Variants in GALE observed in about 807,000 individuals in gnomAD.
The protein encoded by GALE is UDP-galactose-4-epimerase.
A neutral mutation model predicts 44.1 loss-of-function variants in GALE; 32 were observed. The ratio of observed to expected loss-of-function variants is 0.73; its 90% confidence interval spans 0.55 to 0.97. GALE has a LOEUF of 0.97. Ranked by LOEUF, GALE falls within the 50% of genes least tolerant of loss-of-function variation. GALE has a pLI of 0.00. For missense variants in GALE, 423 were observed against 455.6 expected, an observed-to-expected ratio of 0.93 and a Z score of 0.65; for synonymous variants, 182 against 183.5, an observed-to-expected ratio of 0.99 and a Z score of 0.06.
In GALE at chr1:23,798,380, C is replaced by A. The variant is rs1639029525; in HGVS notation, c.238-150G>T. The A allele has an allele frequency of 1.4e-6, 1 of 721,472 alleles. No individual in the cohort carries two copies. Among genetic ancestry groups the A allele is most frequent in the Admixed American group, 2.0e-5 (1 of 49,368 alleles). 44.7% of individuals were successfully genotyped at this position (721,472 alleles called of 1,614,324 possible). ...AGTACAGTGGTGCCATCTCAGCTCACCGCAACCTCCACCTCCCAGGCTCAA... is the reference window on the plus strand; with the variant it reads ...AGTACAGTGGTGCCATCTCAGCTCAACGCAACCTCCACCTCCCAGGCTCAA... On this transcript the variant is annotated intron_variant, in intron 4 of 11. Transcript: ENST00000617979. This position sits in a 1 kb window ranked among gnomAD's most constrained non-coding sequence, Gnocchi z 4.5.
intron 1 of GALE, 79 bp downstream of exon 1, chr1:23,800,633 C>T (rs552678965): frequency 6.6e-6 from 1 of 152,248 alleles, no homozygotes; most frequent in African/African-American, 2.4e-5. Flanking sequence ...CACGACCCGC[C>T]CCTCGGAAAC....
chr1:23,797,252 C>G, intron 6 of GALE, 105 bp from the exon 7 acceptor site: 1 of 799,476 alleles, frequency 1.3e-6, no homozygotes, highest in Non-Finnish European at 2.1e-6. Flanking sequence ...GATGGAGTCT[C>G]ACTATGGCCC....
rs886042139 is a variant in GALE at position 23,798,105 on chromosome 1, C to T, written c.351+12G>A. On this transcript the variant is annotated intron_variant, in intron 5 of 11. Transcript: ENST00000617979. This position sits in a 1 kb window ranked among gnomAD's most constrained non-coding sequence, Gnocchi z 4.5. ...CCCTCCTAGTGTCTGTGCCCTGTCCCATGCCTCTCACCTCCAGAAGCTGGA... is the reference window on the plus strand; with the variant it reads ...CCCTCCTAGTGTCTGTGCCCTGTCCTATGCCTCTCACCTCCAGAAGCTGGA... 1.2e-6 allele frequency: 2 copies of T among 1,600,616 alleles called. No homozygotes were observed. The highest frequency in any genetic ancestry group is 1.7e-6 in the Non-Finnish European group (2 of 1,167,582).
In GALE at chr1:23,798,281, A is replaced by AGGCTGAGGGC; in HGVS notation, c.238-52_238-51insGCCCTCAGCC. 7.4e-7 allele frequency: 1 copy of AGGCTGAGGGC among 1,350,910 alleles called. No individual in the cohort carries two copies. The highest frequency in any genetic ancestry group is 1.1e-6 in the Non-Finnish European group (1 of 942,154). The allele number at this position is 1,350,910 out of a possible 1,614,324, so 83.7% of individuals were successfully genotyped here. A position where few individuals can be genotyped will look rare whatever the true frequency, so the allele number is the denominator to read the frequency against. On this transcript the variant is annotated intron_variant, in intron 4 of 11. Coordinates refer to ENST00000617979, the MANE Select transcript of GALE (RefSeq NM_001008216.2). This position sits in a 1 kb window ranked among gnomAD's most constrained non-coding sequence, Gnocchi z 4.5. ...TGCTCTACTGGTTTTAGTCCTTGGC[A>AGGCTGAGGGC]ATGCCCTCAGCCTGCCTGCCTGCAC...
intron 1 of GALE, chr1:23,800,328 G>C (rs908495321): frequency 6.6e-6 from 1 of 152,638 alleles, no homozygotes; most frequent in Non-Finnish European, 1.5e-5. Flanking sequence ...GTCGCAGAGA[G>C]GCCCTGGGAA....
chr1:23,798,137 C>G lies in GALE; in HGVS notation c.331G>C (p.Gly111Arg), dbSNP rs1336615166. 6.2e-7 allele frequency: 1 copy of G among 1,613,954 alleles called. No individual in the cohort carries two copies. The highest frequency in any genetic ancestry group is 1.3e-5 in the African/African-American group (1 of 75,046). Reference protein sequence around the residue: ...PLDYYRVNLTGTIQLLEIMKA... With the variant: ...PLDYYRVNLTRTIQLLEIMKA... ...CTCACCTCCAGAAGCTGGATGGTCC[C>G]GGTCAGGTTAACTCTGTAATAATCC... The change falls in exon 5 of 12, where the codon GGG (glycine) becomes CGG (arginine). Residue 111 changes from glycine (G) to arginine (R), a missense_variant. Physicochemically the swap from Gly to Arg is moderately radical, Grantham distance 125. Coordinates refer to ENST00000617979, the MANE Select transcript of GALE (RefSeq NM_001008216.2). This position sits in a 1 kb window ranked among gnomAD's most constrained non-coding sequence, Gnocchi z 4.5.
intron 2 of GALE, 92 bp downstream of exon 2, chr1:23,799,274 C>A: frequency 2.0e-6 from 1 of 503,318 alleles, no homozygotes; most frequent in Non-Finnish European, 3.6e-6. Flanking sequence ...CATGAGGCAG[C>A]GTGAGGGTTC....
chr1:23,796,401 CAGTGCCAGGT>C lies in GALE; in HGVS notation c.873+98_873+107del. On this transcript the variant is annotated intron_variant, in intron 10 of 11. Coordinates refer to ENST00000617979, the MANE Select transcript of GALE (RefSeq NM_001008216.2). The surrounding 1 kb of genome is among the most constrained non-coding windows in gnomAD (Gnocchi z 5.2). ...TGCTAGGCAGGCTGAGGAGACTGGGCAGTGCCAGGTACCCTCCAGAGAGGTGAGTGGGAAG... is the reference window on the plus strand; with the variant it reads ...TGCTAGGCAGGCTGAGGAGACTGGGCACCCTCCAGAGAGGTGAGTGGGAAG... 7.0e-7 allele frequency: 1 copy of C among 1,427,736 alleles called. No homozygotes were observed. The highest frequency in any genetic ancestry group is 9.8e-7 in the Non-Finnish European group (1 of 1,018,480). 88.4% of individuals were successfully genotyped at this position (1,427,736 alleles called of 1,614,324 possible).
At position 23,796,102 on chromosome 1, in the gene GALE, A is replaced by G. The variant is rs1230463313; in HGVS notation, c.988+49T>C. On this transcript the variant is annotated intron_variant, in intron 11 of 11. Transcript: ENST00000617979. The surrounding 1 kb of genome is among the most constrained non-coding windows in gnomAD (Gnocchi z 5.2). Reference sequence around the variant, plus strand: ...CCCTGGGTGGGCATGCCCAGATCTGATTTAGCCCCTCCCTGGCCCCTAACT... The same window carrying G: ...CCCTGGGTGGGCATGCCCAGATCTGGTTTAGCCCCTCCCTGGCCCCTAACT... The G allele has an allele frequency of 1.3e-5, 20 of 1,595,610 alleles. No individual in the cohort carries two copies. Among genetic ancestry groups the G allele is most frequent in the Non-Finnish European group, 1.5e-5 (18 of 1,163,518 alleles).
chr1:23,796,143 G>T lies in GALE; in HGVS notation c.988+8C>A. 6.2e-7 allele frequency: 1 copy of T among 1,610,760 alleles called. No individual in the cohort carries two copies. The highest frequency in any genetic ancestry group is 8.5e-7 in the Non-Finnish European group (1 of 1,176,990). ...GCCCCTAACTGCAGGGGTCAGGCCAGCACTCACACATCCTGTCCAGCCCTA... is the reference window on the plus strand; with the variant it reads ...GCCCCTAACTGCAGGGGTCAGGCCATCACTCACACATCCTGTCCAGCCCTA... On this transcript the variant is annotated splice_region_variant and intron_variant, in intron 11 of 11. Coordinates refer to ENST00000617979, the MANE Select transcript of GALE (RefSeq NM_001008216.2). The surrounding 1 kb of genome is among the most constrained non-coding windows in gnomAD (Gnocchi z 5.2).
Position 23,796,694 on chromosome 1 carries a change from T to C in GALE, c.795+3A>G. On this transcript the variant is annotated splice_donor_region_variant and intron_variant, in intron 9 of 11. Transcript: ENST00000617979. The surrounding 1 kb of genome is among the most constrained non-coding windows in gnomAD (Gnocchi z 5.2). ...CTCCCTCACTTCTCCCTTCTCTTCC[T>C]ACCCGGCAGCCACACTGTTCTTTCA... The C allele has an allele frequency of 6.2e-7, 1 of 1,613,424 alleles. No individual in the cohort carries two copies. The highest frequency in any genetic ancestry group is 8.5e-7 in the Non-Finnish European group (1 of 1,179,708).
chr1:23,799,497 C>T (rs1372603710), intron 1 of GALE, 61 bp from the exon 2 acceptor site: 1 of 258,898 alleles, frequency 3.9e-6, no homozygotes, highest in Admixed American at 5.1e-5. Flanking sequence ...GGGGTTCTGT[C>T]TGCTCAGACC....
At chr1:23,800,344 A>T (rs1639089501) in intron 1 of GALE, 1 of 152,408 alleles carries the variant, frequency 6.6e-6, no homozygotes, top group Non-Finnish European at 1.5e-5. Context: ...GGGAAGCACG[A>T]AAGCTGGTCT....
Position 23,796,223 on chromosome 1 carries a change from C to T in GALE, c.916G>A (p.Ala306Thr). The T allele has an allele frequency of 6.2e-7, 1 of 1,614,166 alleles. No individual in the cohort carries two copies. The highest frequency in any genetic ancestry group is 8.5e-7 in the Non-Finnish European group (1 of 1,180,028). Residue 306 changes from alanine to threonine, a missense_variant, in exon 11 of 12, where the codon GCC becomes ACC. Coordinates refer to ENST00000617979, the MANE Select transcript of GALE (RefSeq NM_001008216.2). This position sits in a 1 kb window ranked among gnomAD's most constrained non-coding sequence, Gnocchi z 5.2. ...VVARREGDVA[A>T]CYANPSLAQE... ...GCCAGGCTGGGGTTGGCGTAACAGG[C>T]TGCCACATCACCTTCCCGCCGTGCC...
intron 5 of GALE, 117 bp downstream of exon 5, chr1:23,798,000 A>AG: frequency 3.1e-6 from 4 of 1,310,594 alleles, no homozygotes; most frequent in Non-Finnish European, 4.4e-6. Flanking sequence ...TGAGACTGGG[A>AG]GGTAAAGACA....
At position 23,798,665 on chromosome 1, in the gene GALE, C is replaced by G. The variant is rs370693766; in HGVS notation, c.187G>C (p.Glu63Gln). The G allele has an allele frequency of 1.0e-4, 169 of 1,613,834 alleles. 1 individual carries two copies. Among genetic ancestry groups the G allele is most frequent in the Non-Finnish European group, 1.4e-4 (166 of 1,179,896 alleles). The change falls in exon 4 of 12, where the codon GAG becomes CAG. Residue 63 changes from glutamate (E) to glutamine (Q), a missense_variant. Coordinates refer to ENST00000617979, the MANE Select transcript of GALE (RefSeq NM_001008216.2). The surrounding 1 kb of genome is among the most constrained non-coding windows in gnomAD (Gnocchi z 4.5). ...CCCTGGTCCAAAATGTCCATCTCCT[C>G]AAACTCCACAGAGCGGCCTGTCAGC... The part of the protein sequence containing the change: ...QELTGRSVEF[E>Q]EMDILDQGAL...
Position 23,798,679 on chromosome 1 carries a change from C to T in GALE, c.173G>A (p.Arg58His), listed in dbSNP as rs775614393. The stretch of plus-strand genomic sequence containing the variant: ...GTCCATCTCCTCAAACTCCACAGAG[C>T]GGCCTGTCAGCTCCTGGACCCGCCG... ...SLRRVQELTG[R>H]SVEFEEMDIL... is the part of the protein sequence containing the mutation. The change falls in exon 4 of 12, where the codon CGC becomes CAC. Residue 58 changes from arginine to histidine, a missense_variant. Physicochemically the swap from Arg to His is conservative, Grantham distance 29. Coordinates refer to ENST00000617979, the MANE Select transcript of GALE (RefSeq NM_001008216.2). The surrounding 1 kb of genome is among the most constrained non-coding windows in gnomAD (Gnocchi z 4.5). 8.1e-6 allele frequency: 13 copies of T among 1,613,614 alleles called. No individual in the cohort carries two copies. Among genetic ancestry groups the T allele is most frequent in the African/African-American group, 6.7e-5 (5 of 74,910 alleles).
chr1:23,798,465 C>T lies in GALE; in HGVS notation c.237+150G>A. On this transcript the variant is annotated intron_variant, in intron 4 of 11. Transcript: ENST00000617979. This position sits in a 1 kb window ranked among gnomAD's most constrained non-coding sequence, Gnocchi z 4.5. ...GACCACAGGTATGGGCTACCATGCCCAGCTAATTTTTGTATTTTTCTGTAG... is the reference window on the plus strand; with the variant it reads ...GACCACAGGTATGGGCTACCATGCCTAGCTAATTTTTGTATTTTTCTGTAG... 2 of 706,998 alleles carry T rather than the reference C, an allele frequency of 2.8e-6. No individual in the cohort carries two copies. Among genetic ancestry groups the T allele is most frequent in the Non-Finnish European group, 2.5e-6 (1 of 402,058 alleles). 43.8% of individuals were successfully genotyped at this position (706,998 alleles called of 1,614,324 possible). A position where few individuals can be genotyped will look rare whatever the true frequency, so the allele number is the denominator to read the frequency against.
Position 23,796,042 on chromosome 1 carries a change from G to A in GALE, c.989-35C>T, listed in dbSNP as rs201592765. ...GGCGAGGTGTGTGCTCAGGGCCCAC[G>A]GTGGAATGCAGAGCCTCCCCCACCC... On this transcript the variant is annotated intron_variant, in intron 11 of 11. Transcript: ENST00000617979. The surrounding 1 kb of genome is among the most constrained non-coding windows in gnomAD (Gnocchi z 5.2). 51 of 1,611,746 alleles carry A rather than the reference G, an allele frequency of 3.2e-5. No individual in the cohort carries two copies. In the East Asian group the frequency reaches 6.7e-4, roughly 21 times the overall value.
Sources: gnomAD v4.1 joint callset for allele counts on GRCh38, gnomAD v4.1.1 for gene constraint, Gnocchi (gnomAD v3.1) non-coding constraint, MANE v1.5 for transcripts, NCBI Gene and HGNC (gene_info 2026-07-23, HGNC 2026-07-21) for gene names.